Variants in LYPD6 observed in about 807,000 individuals in gnomAD.
The protein encoded by LYPD6 is LY6/PLAUR domain containing 6, also known as ly6/PLAUR domain-containing protein 6.
In LYPD6, 15 loss-of-function variants were observed where a neutral mutation model predicts 22.7. The ratio of observed to expected loss-of-function variants is 0.66; its 90% confidence interval spans 0.44 to 1.02. The LOEUF (loss-of-function observed/expected upper bound fraction) is 1.02, where lower values mean the gene tolerates loss of function less well. Ranked by LOEUF, LYPD6 falls within the 50% of genes least tolerant of loss-of-function variation. The pLI is 0.00. For missense variants in LYPD6, 189 were observed against 208.4 expected, an observed-to-expected ratio of 0.91 and a Z score of 0.57; for synonymous variants, 72 against 77.5, an observed-to-expected ratio of 0.93 and a Z score of 0.37.
chr2:149,330,956 C>T (rs1680924886), intron 1 of LYPD6, among the ~76,000 whole-genome samples: 1 of 152,164 alleles, frequency 6.6e-6, no homozygotes, highest in South Asian at 2.1e-4. Context: ...GGCGTGTGTA[C>T]TCGTGTGTGT....
upstream of LYPD6, chr2:149,330,406 C>A (rs1231864496): frequency 6.6e-6 from 1 of 150,830 alleles, no homozygotes; most frequent in Non-Finnish European, 1.5e-5. Context: ...CGGAGTTGGG[C>A]CGCGCGCGCC....
chr2:149,450,682 C>T (rs1468516222), intron 3 of LYPD6, among the ~76,000 whole-genome samples: 1 of 152,184 alleles, frequency 6.6e-6, no homozygotes, highest in Non-Finnish European at 1.5e-5. Context: ...CTAACATTAC[C>T]ACTGTGGAAT....
At position 149,472,176 on chromosome 2, in the gene LYPD6, G is replaced by A. The variant is rs1385356320; in HGVS notation, c.*1326G>A. The A allele has an allele frequency of 6.6e-6, 1 of 152,104 alleles. No homozygotes were observed. Among genetic ancestry groups the A allele is most frequent in the Non-Finnish European group, 1.5e-5 (1 of 68,024 alleles). The allele number at this position is 152,104 out of a possible 1,614,324, so 9.4% of individuals were successfully genotyped here. On this transcript the variant is annotated 3_prime_UTR_variant, in exon 5 of 5. Transcript: ENST00000334166. ...AAAAATTCATTATTCTGAACAAAGT[G>A]ATCAAATTAGAATACATATTTTTCA...
chr2:149,330,837 C>G (rs1680922464), intron 1 of LYPD6, 115 bp downstream of exon 1: 1 of 152,298 alleles, frequency 6.6e-6, no homozygotes, highest in Non-Finnish European at 1.5e-5. Flanking sequence ...CCTGGAACTA[C>G]CCGATGCTAG....
chr2:149,372,254 T>C (rs919666585), intron 1 of LYPD6, among the ~76,000 whole-genome samples: 11 of 152,174 alleles, frequency 7.2e-5, no homozygotes, highest in South Asian at 2.1e-4. Context: ...GATACAACTC[T>C]ATCAGTAAGA....
intron 1 of LYPD6, among the ~76,000 whole-genome samples, chr2:149,384,780 C>T (rs1682144056): frequency 1.3e-5 from 2 of 151,614 alleles, no homozygotes; most frequent in South Asian, 4.2e-4. Flanking sequence ...GCACAGTGTG[C>T]AGGTTAGTTA....
chr2:149,346,862 A>G (rs1573731883), intron 1 of LYPD6, among the ~76,000 whole-genome samples: 1 of 152,074 alleles, frequency 6.6e-6, no homozygotes, highest in Non-Finnish European at 1.5e-5. Context: ...CACCACGCCC[A>G]GCTAATTTTT....
chr2:149,428,726 C>T (rs371322826), intron 1 of LYPD6, among the ~76,000 whole-genome samples: 201 of 152,286 alleles, frequency 1.3e-3, no homozygotes, highest in African/African-American at 4.5e-3. Flanking sequence ...GACCCGTTCC[C>T]GTAAGAAGGG....
At chr2:149,349,615 A>C (rs1016323663) in intron 1 of LYPD6, among the ~76,000 whole-genome samples, 2 of 152,336 alleles carry the variant, frequency 1.3e-5, no homozygotes, top group Non-Finnish European at 2.9e-5. Flanking sequence ...CAAATGATAA[A>C]GAGACTTGGG....
chr2:149,354,031 T>A (rs1009030686), intron 1 of LYPD6, among the ~76,000 whole-genome samples: 3 of 152,180 alleles, frequency 2.0e-5, no homozygotes, highest in Admixed American at 6.5e-5. Flanking sequence ...TGATAGGGTC[T>A]GGTGTCAGAA....
intron 1 of LYPD6, among the ~76,000 whole-genome samples, chr2:149,335,071 A>G (rs76141752): frequency 0.02 from 2,975 of 152,256 alleles, 96 homozygotes; most frequent in African/African-American, 0.068. Flanking sequence ...TTAAACACCT[A>G]TGTTACTGAT....
intron 3 of LYPD6, among the ~76,000 whole-genome samples, chr2:149,451,747 T>A (rs1470421544): frequency 6.6e-6 from 1 of 152,204 alleles, no homozygotes; most frequent in African/African-American, 2.4e-5. Flanking sequence ...TATCTTTCTG[T>A]CCTTCAATTT....
intron 1 of LYPD6, among the ~76,000 whole-genome samples, chr2:149,346,883 T>A (rs1681266211): frequency 1.3e-5 from 2 of 152,184 alleles, no homozygotes. Flanking sequence ...GTATTTTTAG[T>A]AGAGACGGGG....
At chr2:149,351,882 A>G (rs1681365091) in intron 1 of LYPD6, among the ~76,000 whole-genome samples, 1 of 152,010 alleles carries the variant, frequency 6.6e-6, no homozygotes, top group Non-Finnish European at 1.5e-5. Flanking sequence ...GTGCAGGATA[A>G]AGGAGGTCTT....
At chr2:149,353,823 C>T (rs952023878) in intron 1 of LYPD6, among the ~76,000 whole-genome samples, 1 of 151,940 alleles carries the variant, frequency 6.6e-6, no homozygotes, top group Non-Finnish European at 1.5e-5. Flanking sequence ...CTCTGACTCT[C>T]CAGCTTGTAA....
At chr2:149,449,169 T>G (rs780384340) in intron 3 of LYPD6, 22 bp downstream of exon 3, 1 of 1,559,154 alleles carries the variant, frequency 6.4e-7, no homozygotes, top group South Asian at 1.1e-5. Context: ...GTAGACTGAT[T>G]GGGGTCCCCT....
the LYPD6 span, among the ~76,000 whole-genome samples, chr2:149,483,148 C>T: frequency 1.3e-5 from 2 of 152,180 alleles, no homozygotes; most frequent in African/African-American, 4.8e-5. Context: ...CACTGGCCTC[C>T]AGGCAGGATG....
chr2:149,356,269 A>G (rs1384040041), intron 1 of LYPD6, among the ~76,000 whole-genome samples: 1 of 152,110 alleles, frequency 6.6e-6, no homozygotes, highest in Non-Finnish European at 1.5e-5. Flanking sequence ...TAGGGAAGAA[A>G]GCTCATTGGC....
intron 1 of LYPD6, among the ~76,000 whole-genome samples, chr2:149,433,413 C>T (rs1360539206): frequency 6.6e-6 from 1 of 152,184 alleles, no homozygotes; most frequent in East Asian, 1.9e-4. Context: ...GTGCTCCTGA[C>T]CTCCATCAGC....
Sources: allele counts gnomAD v4.1 joint callset (sites outside exome capture counted in the v4.1 genomes callset), GRCh38; gene constraint gnomAD v4.1.1; transcripts MANE v1.5; gene names NCBI Gene and HGNC (gene_info 2026-07-23, HGNC 2026-07-21).